The following GRP variants were observed in gnomAD, a reference collection of about 807,000 sequenced individuals.
GRP encodes gastrin-releasing peptide.
GRP carries 11 observed loss-of-function variants against 12.7 expected under a neutral mutation model. That is an observed-to-expected ratio of 0.87 (90% CI 0.55 to 1.44). GRP has a LOEUF of 1.44. Ranked by LOEUF, GRP falls within the 40% of genes most tolerant of loss-of-function variation. The pLI is 0.00. For synonymous variants in GRP, 84 were observed against 77.7 expected, an observed-to-expected ratio of 1.08 and a Z score of -0.43; for missense variants, 212 against 185.4, an observed-to-expected ratio of 1.14 and a Z score of -0.83.
At chr18:59,229,680 A>G (rs959060025) in intron 2 of GRP, among the ~76,000 whole-genome samples, 1 of 152,232 alleles carries the variant, frequency 6.6e-6, no homozygotes, top group African/African-American at 2.4e-5. Flanking sequence ...ATAAGCTCTT[A>G]GTCTCAACAA....
rs2069899700 is a variant in GRP, at chr18:59,225,324, A to G, written c.140-168A>G. Among the ~76,000 whole-genome samples, 4 of 152,240 alleles carry G rather than the reference A, an allele frequency of 2.6e-5. No homozygotes were observed. The South Asian group carries it at 8.3e-4, about 32-fold the overall frequency. On this transcript the variant is annotated intron_variant, in intron 1 of 2. Coordinates refer to ENST00000256857, the MANE Select transcript of GRP (RefSeq NM_002091.5). ...TCATTGCACATTTTGAACAGAGAGCAAAATCTATCTGTCGTTTATGAACTA... is the reference window on the plus strand; with the variant it reads ...TCATTGCACATTTTGAACAGAGAGCGAAATCTATCTGTCGTTTATGAACTA...
rs199962860 is a variant in GRP, at chr18:59,225,496, C to T, written c.144C>T (p.His48=). 100 of 1,611,466 alleles carry T rather than the reference C, an allele frequency of 6.2e-5. No individual in the cohort carries two copies. The highest frequency in any genetic ancestry group is 1.5e-5 in the Non-Finnish European group (18 of 1,178,868). Residue 48 remains histidine (H), a synonymous_variant, in exon 2 of 3, where the codon CAC becomes CAT. Transcript: ENST00000256857. ...TTTTTGTTTTTGTTTTTACAGGGCACTTAATGGGGAAAAAGAGCACAGGGG... is the reference window on the plus strand; with the variant it reads ...TTTTTGTTTTTGTTTTTACAGGGCATTTAATGGGGAAAAAGAGCACAGGGG... The part of the protein sequence containing the change: ...YPRGNHWAVG[H]LMGKKSTGES...
chr18:59,221,146 C>CT (rs2069826006), intron 1 of GRP, among the ~76,000 whole-genome samples: 3 of 152,282 alleles, frequency 2.0e-5, no homozygotes, highest in Non-Finnish European at 4.4e-5. Flanking sequence ...GAGCTCCGCT[C>CT]TTTCTCCGCC....
chr18:59,221,609 G>GTGTGTGTGTGTGTT (rs1358011114), intron 1 of GRP, among the ~76,000 whole-genome samples: 2 of 152,116 alleles, frequency 1.3e-5, no homozygotes, highest in African/African-American at 4.8e-5. Flanking sequence ...GTGTGTGTGT[G>GTGTGTGTGTGTGTT]TGTGTGTATT....
rs375754489 is a variant in GRP, at chr18:59,225,515, A to C, written c.163A>C (p.Thr55Pro). The C allele has an allele frequency of 6.2e-7, 1 of 1,613,606 alleles. No individual in the cohort carries two copies. Among genetic ancestry groups the C allele is most frequent in the Admixed American group, 1.7e-5 (1 of 59,996 alleles). ...AVGHLMGKKS[T>P]GESSSVSERG... ...AGGGCACTTAATGGGGAAAAAGAGC[A>C]CAGGGGAGTCTTCTTCTGTTTCTGA... The change falls in exon 2 of 3, where the codon ACA (threonine) becomes CCA (proline). Residue 55 changes from threonine (T) to proline (P), a missense_variant. Transcript: ENST00000256857.
chr18:59,227,714 C>T (rs948195185), intron 2 of GRP, among the ~76,000 whole-genome samples: 6 of 152,318 alleles, frequency 3.9e-5, no homozygotes, highest in Middle Eastern at 3.4e-3. Flanking sequence ...ACAGCAGTGT[C>T]CAGTTTGTTA....
intron 1 of GRP, among the ~76,000 whole-genome samples, chr18:59,221,593 C>G (rs866539532): frequency 1.1e-4 from 15 of 140,510 alleles, no homozygotes; most frequent in African/African-American, 4.3e-4. Flanking sequence ...GTGTGTGTGT[C>G]TCTGTGTGTG....
intron 1 of GRP, among the ~76,000 whole-genome samples, chr18:59,222,673 T>C (rs917821940): frequency 1.3e-5 from 2 of 152,210 alleles, no homozygotes; most frequent in Non-Finnish European, 2.9e-5. Context: ...GTTTTAATTA[T>C]ATAAAACCAA....
intron 2 of GRP, among the ~76,000 whole-genome samples, chr18:59,229,713 C>T (rs1038884147): frequency 4.6e-5 from 7 of 152,088 alleles, no homozygotes; most frequent in Non-Finnish European, 2.9e-5. Context: ...CATCTCAGCG[C>T]GTAAAGGGTG....
chr18:59,225,769 G>A (rs749194799), intron 2 of GRP, 35 bp downstream of exon 2: 4 of 1,603,856 alleles, frequency 2.5e-6, no homozygotes, highest in Non-Finnish European at 3.4e-6. Context: ...GGGGTGGGAG[G>A]TATCTGGGGA....
Position 59,225,513 on chromosome 18 carries a change from G to A in GRP, c.161G>A (p.Ser54Asn), listed in dbSNP as rs2069902343. 6.2e-7 allele frequency: 1 copy of A among 1,613,598 alleles called. No individual in the cohort carries two copies. Among genetic ancestry groups the A allele is most frequent in the Non-Finnish European group, 8.5e-7 (1 of 1,179,576 alleles). Residue 54 changes from serine (S) to asparagine (N), a missense_variant, in exon 2 of 3, where the codon AGC (serine) becomes AAC (asparagine). Ser to Asn is a conservative substitution (Grantham distance 46). Transcript: ENST00000256857. ...ACAGGGCACTTAATGGGGAAAAAGA[G>A]CACAGGGGAGTCTTCTTCTGTTTCT... ...WAVGHLMGKK[S>N]TGESSSVSER...
intron 2 of GRP, among the ~76,000 whole-genome samples, chr18:59,228,438 A>G (rs1459861022): frequency 1.3e-5 from 2 of 152,182 alleles, no homozygotes; most frequent in Non-Finnish European, 2.9e-5. Context: ...AACTATCTAC[A>G]TATGCTCTCC....
upstream of GRP, among the ~76,000 whole-genome samples, chr18:59,219,531 GAGGAGGGGAA>G (rs1212585447): frequency 7.4e-5 from 4 of 53,712 alleles, no homozygotes; most frequent in Non-Finnish European, 8.2e-5. Context: ...GAGGAGGGGA[GAGGAGGGGAA>G]GGGAGGGGAG....
At chr18:59,226,024 C>T (rs756366956) in intron 2 of GRP, among the ~76,000 whole-genome samples, 3 of 151,894 alleles carry the variant, frequency 2.0e-5, no homozygotes, top group Non-Finnish European at 4.4e-5. Flanking sequence ...ACAGGCCCTA[C>T]AAGAATGTTT....
intron 2 of GRP, among the ~76,000 whole-genome samples, chr18:59,229,682 T>C (rs1195849406): frequency 6.6e-6 from 1 of 152,194 alleles, no homozygotes; most frequent in East Asian, 1.9e-4. Flanking sequence ...AAGCTCTTAG[T>C]CTCAACAAAA....
chr18:59,221,126 C>T (rs1280725272), intron 1 of GRP, among the ~76,000 whole-genome samples: 1 of 152,288 alleles, frequency 6.6e-6, no homozygotes, highest in Non-Finnish European at 1.5e-5. Context: ...CCCGATCTCT[C>T]TGCCCCTCTG....
intron 1 of GRP, among the ~76,000 whole-genome samples, chr18:59,221,490 A>T (rs2069833182): frequency 6.6e-6 from 1 of 151,864 alleles, no homozygotes; most frequent in Non-Finnish European, 1.5e-5. Flanking sequence ...TACCCGCCCC[A>T]CAAAAGCCAA....
In GRP at chr18:59,225,689, T is replaced by A; in HGVS notation, c.337T>A (p.Ser113Thr). The stretch of plus-strand genomic sequence containing the variant: ...GGGCAATCAGCAGCCTTCGTGGGAT[T>A]CAGAGGATAGCAGCAACTTCAAAGA... ...ALGNQQPSWD[S>T]EDSSNFKDVG... is the part of the protein sequence containing the mutation. The change falls in exon 2 of 3, where the codon TCA becomes ACA. Residue 113 changes from serine to threonine, a missense_variant. By Grantham distance (58) the Ser-to-Thr change is moderately conservative. Transcript: ENST00000256857. 1.2e-6 allele frequency: 2 copies of A among 1,614,046 alleles called. No homozygotes were observed. Among genetic ancestry groups the A allele is most frequent in the Non-Finnish European group, 1.7e-6 (2 of 1,179,968 alleles).
upstream of GRP, among the ~76,000 whole-genome samples, chr18:59,219,866 C>A (rs1380524576): frequency 6.6e-6 from 1 of 151,968 alleles, no homozygotes; most frequent in African/African-American, 2.4e-5. Context: ...GAGGCGCCGG[C>A]GAGCCTGGAG....
Sources: allele counts gnomAD v4.1 joint callset (sites outside exome capture counted in the v4.1 genomes callset), GRCh38; gene constraint gnomAD v4.1.1; transcripts MANE v1.5; gene names NCBI Gene and HGNC (gene_info 2026-07-23, HGNC 2026-07-21).